RINT1: variants seen among roughly 807,000 people sequenced by gnomAD.
RINT1 encodes RAD50 interactor 1, also known as RAD50-interacting protein 1.
A neutral mutation model predicts 97.7 loss-of-function variants in RINT1; 75 were observed. The observed-to-expected ratio is 0.77, with a 90% confidence interval of 0.64 to 0.93. The LOEUF is 0.93. Among genes scored for constraint, RINT1 ranks in the 40% least tolerant of loss-of-function variants. The probability of loss-of-function intolerance (pLI) is 0.00; values close to 1 mark genes in which losing one functional copy is unlikely to be tolerated. For synonymous variants in RINT1, 303 were observed against 326.3 expected, an observed-to-expected ratio of 0.93 and a Z score of 0.77; for missense variants, 892 against 925.2, an observed-to-expected ratio of 0.96 and a Z score of 0.47.
At chr7:105,560,307 A>C (rs1156433174) in intron 11 of RINT1, among the ~76,000 whole-genome samples, 1 of 152,186 alleles carries the variant, frequency 6.6e-6, no homozygotes, top group Non-Finnish European at 1.5e-5. Flanking sequence ...CATCCCTGGC[A>C]CCAAAGGATA....
At chr7:105,532,711 G>T (rs550223839) in intron 1 of RINT1, 113 bp from the exon 2 acceptor site, 282 of 1,143,860 alleles carry the variant, frequency 2.5e-4, no homozygotes, top group Non-Finnish European at 3.5e-4. Context: ...CTCAGAAAGT[G>T]GGAGAGCGTC....
chr7:105,550,356 G>C lies in RINT1; in HGVS notation c.1203G>C (p.Leu401Phe), dbSNP rs1790874667. Reference sequence around the variant, plus strand: ...ATGATGACAATCTCTTCTGTCATTTGGTGGATGAAGTACTCTTGTTTGAAA... The same window carrying C: ...ATGATGACAATCTCTTCTGTCATTTCGTGGATGAAGTACTCTTGTTTGAAA... ...LLYDDNLFCH[L>F]VDEVLLFERE... Residue 401 changes from leucine (L) to phenylalanine (F), a missense_variant, in exon 9 of 15, where the codon TTG (leucine) becomes TTC (phenylalanine). Transcript: ENST00000257700. The C allele has an allele frequency of 6.2e-7, 1 of 1,613,950 alleles. No individual in the cohort carries two copies. Among genetic ancestry groups the C allele is most frequent in the Non-Finnish European group, 8.5e-7 (1 of 1,179,948 alleles).
chr7:105,556,387 T>C (rs1364363226), intron 11 of RINT1, among the ~76,000 whole-genome samples: 1 of 152,044 alleles, frequency 6.6e-6, no homozygotes, highest in Non-Finnish European at 1.5e-5. Context: ...CTTACACCAA[T>C]TTTGTTTTAT....
chr7:105,550,205 T>C (rs1210543234), intron 8 of RINT1, 40 bp downstream of exon 8: 49 of 1,602,918 alleles, frequency 3.1e-5, no homozygotes, highest in Non-Finnish European at 3.7e-5. Context: ...TTTAGAACTG[T>C]ATGTGTGCAT....
At chr7:105,551,469 C>A in intron 9 of RINT1, 101 bp from the exon 10 acceptor site, 2 of 1,066,486 alleles carry the variant, frequency 1.9e-6, no homozygotes, top group East Asian at 2.6e-5. Context: ...AGGTTTGTTT[C>A]TTTTTTATAG....
At chr7:105,566,949 A>G (rs1274821063) in intron 14 of RINT1, 170 bp from the exon 15 acceptor site, 10 of 408,698 alleles carry the variant, frequency 2.4e-5, no homozygotes, top group African/African-American at 1.9e-4. Flanking sequence ...GCAACTCTGC[A>G]CCTGTGTAGT....
At chr7:105,536,113 T>C (rs1218526352) in intron 2 of RINT1, among the ~76,000 whole-genome samples, 1 of 152,172 alleles carries the variant, frequency 6.6e-6, no homozygotes, top group African/African-American at 2.4e-5. Context: ...GTTTTGTTTT[T>C]TGATACAGAG....
chr7:105,565,726 T>C (rs1284433100), intron 14 of RINT1, 78 bp downstream of exon 14: 1 of 927,384 alleles, frequency 1.1e-6, no homozygotes, highest in Non-Finnish European at 1.7e-6. Flanking sequence ...TTTAGGGTTC[T>C]GGAGATGTTT....
At position 105,547,282 on chromosome 7, in the gene RINT1, T is replaced by C. The variant is rs2133387881; in HGVS notation, c.788T>C (p.Ile263Thr). The change falls in exon 6 of 15, where the codon ATA becomes ACA. Residue 263 changes from isoleucine to threonine, a missense_variant. Transcript: ENST00000257700. ...AGTCGACCTGCCAGTGCCCCGGAGA[T>C]ATACAGTTACCTGGAGACACTGTTT... Reference protein sequence around the residue: ...GLSRPASAPEIYSYLETLFCQ... With the variant: ...GLSRPASAPETYSYLETLFCQ... The C allele has an allele frequency of 6.2e-7, 1 of 1,614,200 alleles. No homozygotes were observed. Among genetic ancestry groups the C allele is most frequent in the Non-Finnish European group, 8.5e-7 (1 of 1,180,010 alleles).
chr7:105,546,991 T>A lies in RINT1; in HGVS notation c.597T>A (p.Ile199=). The change falls in exon 5 of 15, where the codon ATT becomes ATA. Residue 199 remains isoleucine, a synonymous_variant. Coordinates refer to ENST00000257700, the MANE Select transcript of RINT1 (RefSeq NM_021930.6). ...TAGTGTCTATGGCAGAACTTGACATTAAACTTCAGGAATCATCTTGTACTC... is the reference window on the plus strand; with the variant it reads ...TAGTGTCTATGGCAGAACTTGACATAAAACTTCAGGAATCATCTTGTACTC... ...STLVSMAELD[I]KLQESSCTHL... is the part of the protein sequence containing the mutation. 2.5e-6 allele frequency: 4 copies of A among 1,613,920 alleles called. No individual in the cohort carries two copies. Among genetic ancestry groups the A allele is most frequent in the Non-Finnish European group, 3.4e-6 (4 of 1,179,774 alleles).
Position 105,565,566 on chromosome 7 carries a change from G to A in RINT1, c.2104G>A (p.Ala702Thr), listed in dbSNP as rs1791683776. 1 of 1,613,832 alleles carries A rather than the reference G, an allele frequency of 6.2e-7. No homozygotes were observed. The highest frequency in any genetic ancestry group is 1.3e-5 in the African/African-American group (1 of 74,932). ...TAATCACTTCAATGAAGGAGGAGCA[G>A]CCCAGCTGCAGTTTGATATGACTCG... is the stretch of plus-strand genomic sequence containing the variant. ...LANHFNEGGA[A>T]QLQFDMTRNL... is the part of the protein sequence containing the mutation. The change falls in exon 14 of 15, where the codon GCC becomes ACC. Residue 702 changes from alanine to threonine, a missense_variant. Physicochemically the swap from Ala to Thr is moderately conservative, Grantham distance 58. Coordinates refer to ENST00000257700, the MANE Select transcript of RINT1 (RefSeq NM_021930.6).
chr7:105,532,718 C>T, intron 1 of RINT1, 106 bp from the exon 2 acceptor site: 2 of 1,193,598 alleles, frequency 1.7e-6, no homozygotes, highest in Non-Finnish European at 2.5e-6. Context: ...AGTGGGAGAG[C>T]GTCTGGAACC....
chr7:105,532,729 T>C, intron 1 of RINT1, 95 bp from the exon 2 acceptor site: 1 of 1,310,374 alleles, frequency 7.6e-7, no homozygotes, highest in South Asian at 1.2e-5. Context: ...GTCTGGAACC[T>C]CTCTTGCCTC....
intron 10 of RINT1, among the ~76,000 whole-genome samples, chr7:105,552,990 C>G (rs73192137): frequency 6.6e-6 from 1 of 151,826 alleles, no homozygotes; most frequent in Non-Finnish European, 1.5e-5. Context: ...ATATTTTTAA[C>G]TATAAGAAAA....
At chr7:105,547,113 T>C in intron 5 of RINT1, 30 bp downstream of exon 5, 6 of 1,613,064 alleles carry the variant, frequency 3.7e-6, no homozygotes, top group Non-Finnish European at 5.1e-6. Flanking sequence ...TTTGTGGTAA[T>C]TGCTTTCCGA....
At chr7:105,567,028 T>G (rs1423484658) in intron 14 of RINT1, 91 bp from the exon 15 acceptor site, 3 of 715,590 alleles carry the variant, frequency 4.2e-6, no homozygotes, top group African/African-American at 3.6e-5. Flanking sequence ...GGACCAGCAG[T>G]GCAGAGAAGC....
intron 3 of RINT1, among the ~76,000 whole-genome samples, chr7:105,538,212 C>T (rs771804007): frequency 3.3e-5 from 5 of 152,042 alleles, no homozygotes; most frequent in South Asian, 2.1e-4. Flanking sequence ...AAGATGGTTT[C>T]GATTCCTTGA....
chr7:105,566,201 C>G (rs1397866737), intron 14 of RINT1: 1 of 151,202 alleles, frequency 6.6e-6, no homozygotes, highest in Non-Finnish European at 1.5e-5. Context: ...TGATGTGAAC[C>G]CGGGAGGCGG....
rs1361306618 is a variant in RINT1, at chr7:105,549,936, AC to A, written c.997-118del. The A allele has an allele frequency of 6.4e-6, 4 of 622,606 alleles. No individual in the cohort carries two copies. In the African/African-American group the frequency reaches 7.4e-5, roughly 11 times the overall value. The allele number at this position is 622,606 out of a possible 1,614,324, so 38.6% of individuals were successfully genotyped here. On this transcript the variant is annotated intron_variant, in intron 7 of 14. Transcript: ENST00000257700. ...TGGAGTAGAAATTGTGCTCTTACAT[AC>A]AGGAATTTTCAACTAATTTTTATAA...
Sources: allele counts gnomAD v4.1 joint callset (sites outside exome capture counted in the v4.1 genomes callset), GRCh38; gene constraint gnomAD v4.1.1; transcripts MANE v1.5; gene names NCBI Gene and HGNC (gene_info 2026-07-23, HGNC 2026-07-21).